The following RRP12 variants were observed in gnomAD, a reference collection of about 807,000 sequenced individuals.
RRP12 encodes the protein RRP12-like protein.
Under a neutral mutation model 157.3 loss-of-function variants are expected in RRP12, and 78 were observed. The observed-to-expected ratio is 0.50, with a 90% confidence interval of 0.41 to 0.60. RRP12 has a LOEUF of 0.60. RRP12 is among the 20% of genes least tolerant of loss of function. The pLI, the probability that RRP12 is intolerant of heterozygous loss-of-function variation, is 0.00. For synonymous variants in RRP12, 726 were observed against 670.9 expected (o/e 1.08, Z -1.27); for missense variants, 1,521 against 1,679.9 (o/e 0.91, Z 1.65).
At chr10:97,376,937 T>C (rs1343001222) in intron 15 of RRP12, among the ~76,000 whole-genome samples, 1 of 151,048 alleles carries the variant, frequency 6.6e-6, no homozygotes, top group Non-Finnish European at 1.5e-5. Context: ...TGGAGTGAAG[T>C]GGTGCGATCT....
intron 4 of RRP12, among the ~76,000 whole-genome samples, chr10:97,393,027 G>A (rs1054090309): frequency 6.6e-6 from 1 of 151,770 alleles, no homozygotes; most frequent in African/African-American, 2.4e-5. Flanking sequence ...GCCACAGCAT[G>A]TAGCCTACCC....
rs1564769387 is a variant in RRP12 at position 97,393,454 on chromosome 10, G to C, written c.530+230C>G. 2.5e-5 allele frequency: 17 copies of C among 672,998 alleles called. 1 individual carries two copies. Among genetic ancestry groups the C allele is most frequent in the South Asian group, 2.4e-4 (17 of 71,126 alleles). The allele number at this position is 672,998 out of a possible 1,614,324, so 41.7% of individuals were successfully genotyped here. On this transcript the variant is annotated intron_variant, in intron 4 of 33. Transcript: ENST00000370992. ...CTTTCCCAACCTTCTTGGCATAAAG[G>C]TAAATGATTCTATTACCAGGGGTTC...
chr10:97,366,369 AC>A, intron 28 of RRP12, 76 bp downstream of exon 28: 8 of 1,552,280 alleles, frequency 5.2e-6, no homozygotes, highest in Non-Finnish European at 7.0e-6. Flanking sequence ...CATGGATGCC[AC>A]CCCCTACCCA....
chr10:97,395,201 C>T (rs1185371772), intron 3 of RRP12, among the ~76,000 whole-genome samples: 2 of 129,948 alleles, frequency 1.5e-5, no homozygotes, highest in African/African-American at 3.1e-5. Flanking sequence ...TATATATATA[C>T]ACATATACAC....
rs1165144809 is a variant in RRP12, at chr10:97,380,852, G to C, written c.1480C>G (p.Leu494Val). Reference sequence around the variant, plus strand: ...CCACACGCCTCGAAGAAGACACACAGCAGCTGCAACACGGAGCTCCAGGCC... The same window carrying C: ...CCACACGCCTCGAAGAAGACACACACCAGCTGCAACACGGAGCTCCAGGCC... ...HAAWSSVLQL[L>V]CVFFEACGRQ... The change falls in exon 13 of 34, where the codon CTG (leucine) becomes GTG (valine). Residue 494 changes from leucine to valine, a missense_variant. By Grantham distance (32) the Leu-to-Val change is conservative. Coordinates refer to ENST00000370992, the MANE Select transcript of RRP12 (RefSeq NM_015179.4). 1 of 1,614,050 alleles carries C rather than the reference G, an allele frequency of 6.2e-7. No individual in the cohort carries two copies.
At position 97,401,268 on chromosome 10, in the gene RRP12, C is replaced by T. The variant is rs199882710; in HGVS notation, c.-37G>A. 148 of 1,611,924 alleles carry T rather than the reference C, an allele frequency of 9.2e-5. 1 individual carries two copies. In the African/African-American group the frequency reaches 1.8e-3, roughly 20 times the overall value. On this transcript the variant is annotated 5_prime_UTR_variant, in exon 1 of 34. Transcript: ENST00000370992. ...CGTGGCGAGGAATGAGCTTAAATGA[C>T]CGGCTTCCAGGGACGTAGAAACACG... is the stretch of plus-strand genomic sequence containing the variant.
At chr10:97,387,254 C>T (rs886739442) in intron 8 of RRP12, among the ~76,000 whole-genome samples, 2 of 151,992 alleles carry the variant, frequency 1.3e-5, no homozygotes, top group Admixed American at 6.6e-5. Flanking sequence ...AAAAACTGTA[C>T]ATGTTCAGTA....
intron 10 of RRP12, among the ~76,000 whole-genome samples, chr10:97,383,312 G>A (rs1241412263): frequency 1.3e-5 from 2 of 152,200 alleles, no homozygotes; most frequent in African/African-American, 2.4e-5. Flanking sequence ...AAGAATGTGG[G>A]CTGGGCAGAC....
At chr10:97,383,893 T>C (rs772247077) in intron 10 of RRP12, among the ~76,000 whole-genome samples, 3 of 152,200 alleles carry the variant, frequency 2.0e-5, no homozygotes, top group Non-Finnish European at 2.9e-5. Flanking sequence ...CCCACCTTGC[T>C]GTTCCTCCCG....
chr10:97,382,246 G>A (rs1844492912), intron 10 of RRP12, among the ~76,000 whole-genome samples: 1 of 152,010 alleles, frequency 6.6e-6, no homozygotes, highest in South Asian at 2.1e-4. Context: ...CTGGGCTCAA[G>A]TGATCCTCCC....
At chr10:97,389,646 G>A (rs11189192) in intron 6 of RRP12, among the ~76,000 whole-genome samples, 57,640 of 151,914 alleles carry the variant, frequency 0.38, 11,382 homozygotes, top group African/African-American at 0.49. Flanking sequence ...CAGGAGGTGC[G>A]CCAGGCCTGT....
At chr10:97,395,883 A>G (rs528166859) in intron 3 of RRP12, among the ~76,000 whole-genome samples, 1 of 151,048 alleles carries the variant, frequency 6.6e-6, no homozygotes, top group South Asian at 2.1e-4. Context: ...ATAAGTAGCC[A>G]GTTGCAGTGG....
intron 3 of RRP12, among the ~76,000 whole-genome samples, chr10:97,394,900 T>G (rs556018454): frequency 4.0e-5 from 6 of 151,862 alleles, no homozygotes; most frequent in African/African-American, 4.8e-5. Context: ...CCCAGCACTT[T>G]GGGAGGCCAA....
At position 97,375,439 on chromosome 10, in the gene RRP12, A is replaced by T. The variant is rs187208885; in HGVS notation, c.1799-1545T>A. Among the ~76,000 whole-genome samples, 73 of 152,138 alleles carry T rather than the reference A, an allele frequency of 4.8e-4. No individual in the cohort carries two copies. The East Asian group carries it at 5.6e-3, about 12-fold the overall frequency. On this transcript the variant is annotated intron_variant, in intron 15 of 33. Coordinates refer to ENST00000370992, the MANE Select transcript of RRP12 (RefSeq NM_015179.4). ...CTTTACCATAACTAATTTAACTGGAACCCTAATGAGAAAGATACTAGATGT... is the reference window on the plus strand; with the variant it reads ...CTTTACCATAACTAATTTAACTGGATCCCTAATGAGAAAGATACTAGATGT...
At chr10:97,376,403 C>CG (rs1367546129) in intron 15 of RRP12, among the ~76,000 whole-genome samples, 1 of 151,360 alleles carries the variant, frequency 6.6e-6, no homozygotes. Flanking sequence ...TTAGTAGAGA[C>CG]GGGGTTTCTC....
Position 97,397,992 on chromosome 10 carries a change from C to CATATATATACAT in RRP12, c.370-1692_370-1691insATGTATATATAT, listed in dbSNP as rs1564772333. On this transcript the variant is annotated intron_variant, in intron 2 of 33. Transcript: ENST00000370992. Reference sequence around the variant, plus strand: ...TAACAAAATTGGGTAAAAAAAAATACGTATATATATATACATATATATATA... The same window carrying CATATATATACAT: ...TAACAAAATTGGGTAAAAAAAAATACATATATATACATGTATATATATATACATATATATATA... Among the ~76,000 whole-genome samples the CATATATATACAT allele has an allele frequency of 7.0e-4, 30 of 42,782 alleles. 2 individuals are homozygous for CATATATATACAT. The highest frequency in any genetic ancestry group is 1.5e-3 in the South Asian group (2 of 1,300). 28.1% of individuals were successfully genotyped at this position (42,782 alleles called of 152,430 possible).
chr10:97,357,093 C>T lies in RRP12; in HGVS notation c.*1G>A, dbSNP rs1843728751. ...ACAGGGCAGCCCAGGGGCCCTGGGC[C>T]TCAGGGTCGACGATCCTTTCTGCGG... On this transcript the variant is annotated 3_prime_UTR_variant, in exon 34 of 34. Coordinates refer to ENST00000370992, the MANE Select transcript of RRP12 (RefSeq NM_015179.4). 1 of 1,604,482 alleles carries T rather than the reference C, an allele frequency of 6.2e-7. No individual in the cohort carries two copies. The highest frequency in any genetic ancestry group is 1.3e-5 in the African/African-American group (1 of 74,858).
At chr10:97,398,972 A>T (rs1393910154) in intron 2 of RRP12, among the ~76,000 whole-genome samples, 4 of 152,328 alleles carry the variant, frequency 2.6e-5, no homozygotes, top group Admixed American at 2.0e-4. Flanking sequence ...TAAATAAAGT[A>T]CATTATTAAG....
intron 18 of RRP12, 87 bp downstream of exon 18, chr10:97,372,959 A>AG: frequency 6.8e-7 from 1 of 1,472,758 alleles, no homozygotes; most frequent in Non-Finnish European, 9.3e-7. Context: ...GACCCACGTG[A>AG]GCCCTGGTGG....
Sources: allele counts gnomAD v4.1 joint callset (sites outside exome capture counted in the v4.1 genomes callset), GRCh38; gene constraint gnomAD v4.1.1; transcripts MANE v1.5; gene names NCBI Gene and HGNC (gene_info 2026-07-23, HGNC 2026-07-21).